The following RNF125 variants were observed in gnomAD, a reference collection of about 807,000 sequenced individuals.
RNF125 encodes the protein E3 ubiquitin-protein ligase RNF125.
In RNF125, 21 loss-of-function variants were observed where a neutral mutation model predicts 26.0. The observed-to-expected ratio is 0.81, with a 90% CI of 0.57 to 1.16. The LOEUF (loss-of-function observed/expected upper bound fraction) is 1.16. Ranked by LOEUF, RNF125 falls within the 50% of genes most tolerant of loss-of-function variation. RNF125 has a pLI of 0.00. For missense variants in RNF125, 270 were observed against 299.4 expected, an observed-to-expected ratio of 0.90 and a Z score of 0.72; for synonymous variants, 95 against 109.2, an observed-to-expected ratio of 0.87 and a Z score of 0.81.
intron 1 of RNF125, among the ~76,000 whole-genome samples, chr18:32,024,808 C>T (rs981017714): frequency 2.0e-5 from 3 of 152,162 alleles, no homozygotes; most frequent in Non-Finnish European, 4.4e-5. Flanking sequence ...TTGCTGGGCA[C>T]AGTGGCTCAC....
chr18:32,020,002 C>CTCTGTGTGTG (rs1223003001), intron 1 of RNF125, among the ~76,000 whole-genome samples: 21 of 150,008 alleles, frequency 1.4e-4, no homozygotes, highest in African/African-American at 4.2e-4. Context: ...TCTCTGTTTA[C>CTCTGTGTGTG]TGTGTGTGTG....
chr18:32,084,122 G>A, the RNF125 span, among the ~76,000 whole-genome samples: 26 of 152,282 alleles, frequency 1.7e-4, no homozygotes, highest in African/African-American at 6.3e-4. Context: ...TTGGGAGGCC[G>A]ACGCAGGTGG....
At chr18:32,025,743 C>CGT (rs139472981) in intron 1 of RNF125, among the ~76,000 whole-genome samples, 1,841 of 146,852 alleles carry the variant, frequency 0.013, 39 homozygotes, top group African/African-American at 0.043. Context: ...TTTGTGTATG[C>CGT]GTGTGTGTGT....
intron 4 of RNF125, among the ~76,000 whole-genome samples, chr18:32,065,527 C>T (rs1032189184): frequency 6.6e-6 from 1 of 151,988 alleles, no homozygotes; most frequent in Admixed American, 6.6e-5. Flanking sequence ...TGAGCCACTG[C>T]ACCCCGTCTT....
At chr18:32,088,855 C>G in the RNF125 span, among the ~76,000 whole-genome samples, 6 of 152,078 alleles carry the variant, frequency 3.9e-5, no homozygotes, top group Non-Finnish European at 8.8e-5. Flanking sequence ...GGGAAAAGTC[C>G]ATTCCTTCTA....
chr18:32,088,398 G>T, the RNF125 span, among the ~76,000 whole-genome samples: 971 of 152,324 alleles, frequency 6.4e-3, 14 homozygotes, highest in African/African-American at 0.023. Flanking sequence ...TTTGTAGTAA[G>T]ATAAAGCCAG....
chr18:32,090,107 A>G, the RNF125 span, among the ~76,000 whole-genome samples: 1 of 152,218 alleles, frequency 6.6e-6, no homozygotes, highest in African/African-American at 2.4e-5. Flanking sequence ...TTAGTTTGGC[A>G]TGGTGGTGCA....
At chr18:32,036,299 A>G (rs917165177) in intron 1 of RNF125, among the ~76,000 whole-genome samples, 1 of 151,982 alleles carries the variant, frequency 6.6e-6, no homozygotes, top group African/African-American at 2.4e-5. Context: ...TCCAGTATGT[A>G]CAGTATACTT....
chr18:32,088,189 G>C, the RNF125 span, among the ~76,000 whole-genome samples: 24 of 152,206 alleles, frequency 1.6e-4, no homozygotes, highest in Non-Finnish European at 3.4e-4. Flanking sequence ...CACCAGTCAG[G>C]ATGGACAAGG....
the RNF125 span, among the ~76,000 whole-genome samples, chr18:32,081,403 A>G: frequency 6.6e-6 from 1 of 152,194 alleles, no homozygotes; most frequent in African/African-American, 2.4e-5. Context: ...TTCAAAAATG[A>G]AGTATTTAAA....
intron 1 of RNF125, among the ~76,000 whole-genome samples, chr18:32,021,709 A>G (rs2038988571): frequency 6.6e-6 from 1 of 152,168 alleles, no homozygotes; most frequent in Non-Finnish European, 1.5e-5. Context: ...ATCTGACTGG[A>G]GATTGTTTTC....
At chr18:32,063,970 T>G (rs76991375) in intron 4 of RNF125, among the ~76,000 whole-genome samples, 4,218 of 145,518 alleles carry the variant, frequency 0.029, 185 homozygotes, top group African/African-American at 0.099. Context: ...GTCTGTATCT[T>G]TTTTTTTTTT....
chr18:32,090,130 C>T, the RNF125 span, among the ~76,000 whole-genome samples: 1 of 152,214 alleles, frequency 6.6e-6, no homozygotes, highest in African/African-American at 2.4e-5. Context: ...CCTGTAATCT[C>T]AGCTACTTGG....
intron 4 of RNF125, among the ~76,000 whole-genome samples, chr18:32,061,081 G>A (rs1232146451): frequency 6.6e-6 from 1 of 152,194 alleles, no homozygotes; most frequent in Non-Finnish European, 1.5e-5. Context: ...CTGGAGTGCA[G>A]TGGTGCGATC....
At position 32,065,910 on chromosome 18, in the gene RNF125, A is replaced by T. The variant is rs775344374; in HGVS notation, c.513A>T (p.Pro171=). Reference sequence around the variant, plus strand: ...GTCTTGTTTGTTTCCAGTTCTGTCCACTTTGCCGTTTAATACCCGATGAGA... The same window carrying T: ...GTCTTGTTTGTTTCCAGTTCTGTCCTCTTTGCCGTTTAATACCCGATGAGA... ...HRSERRPVFC[P]LCRLIPDENP... is the part of the protein sequence containing the mutation. The change falls in exon 5 of 6, where the codon CCA becomes CCT. Residue 171 remains proline, a synonymous_variant. Transcript: ENST00000217740. The T allele has an allele frequency of 3.1e-6, 5 of 1,610,116 alleles. No homozygotes were observed. The highest frequency in any genetic ancestry group is 4.2e-6 in the Non-Finnish European group (5 of 1,176,528).
chr18:32,048,998 TGGCTGGAAGAATGCCA>T (rs1370595546), intron 4 of RNF125, among the ~76,000 whole-genome samples: 1 of 152,244 alleles, frequency 6.6e-6, no homozygotes, highest in Non-Finnish European at 1.5e-5. Context: ...GGTGCTGCTT[TGGCTGGAAGAATGCCA>T]GGCCCTCTGG....
At chr18:32,079,965 C>G in the RNF125 span, among the ~76,000 whole-genome samples, 1 of 152,190 alleles carries the variant, frequency 6.6e-6, no homozygotes, top group Admixed American at 6.5e-5. Flanking sequence ...ATAAAATGGA[C>G]TAACCTAGGT....
intron 4 of RNF125, among the ~76,000 whole-genome samples, chr18:32,065,598 A>G (rs2039476880): frequency 6.6e-6 from 1 of 151,546 alleles, no homozygotes; most frequent in African/African-American, 2.4e-5. Context: ...CAGTGGTGTG[A>G]TCTTGGCTCA....
At chr18:32,021,270 C>T (rs1255501039) in intron 1 of RNF125, among the ~76,000 whole-genome samples, 2 of 152,164 alleles carry the variant, frequency 1.3e-5, no homozygotes, top group African/African-American at 2.4e-5. Flanking sequence ...TTAGTAGAGA[C>T]GGGGTTTCAC....
Sources: gnomAD v4.1 joint callset for allele counts (sites outside exome capture counted in the v4.1 genomes callset) on GRCh38, gnomAD v4.1.1 for gene constraint, MANE v1.5 for transcripts, NCBI Gene and HGNC (gene_info 2026-07-23, HGNC 2026-07-21) for gene names.